Variants in TLCD4 observed in about 807,000 individuals in gnomAD.
TLCD4 encodes the protein TLC domain containing 4.
A neutral mutation model predicts 24.2 loss-of-function variants in TLCD4; 7 were observed. That is an observed-to-expected ratio of 0.29 (90% CI 0.16 to 0.54). The LOEUF is 0.54. TLCD4 is among the 20% of genes least tolerant of loss of function. The probability of loss-of-function intolerance (pLI) is 0.95; values close to 1 mark genes in which losing one functional copy is unlikely to be tolerated. For missense variants in TLCD4, 259 were observed against 313.9 expected, an observed-to-expected ratio of 0.82 and a Z score of 1.32; for synonymous variants, 103 against 106.4, an observed-to-expected ratio of 0.97 and a Z score of 0.20.
At chr1:95,097,368 C>A in the TLCD4 span, among the ~76,000 whole-genome samples, 3 of 152,200 alleles carry the variant, frequency 2.0e-5, no homozygotes, top group Admixed American at 6.5e-5. Context: ...TCTCTAGGCA[C>A]ACCATCTATA....
intron 5 of TLCD4, chr1:95,165,067 T>TGTGCTGCTGCCC (rs1677967118): frequency 1.3e-5 from 2 of 152,290 alleles, no homozygotes. Context: ...GATTGCTGTC[T>TGTGCTGCTGCCC]GTGCTGCTGC....
Position 95,150,279 on chromosome 1 carries a change from T to C in TLCD4, c.304+13T>C, listed in dbSNP as rs1315204389. On this transcript the variant is annotated intron_variant, in intron 4 of 6. Coordinates refer to ENST00000370203, the MANE Select transcript of TLCD4 (RefSeq NM_152487.3). Reference sequence around the variant, plus strand: ...TACCTCATTTCTGGTATGTGAGATGTTGTTTTATTGTCTAATTCCTTGTAA... The same window carrying C: ...TACCTCATTTCTGGTATGTGAGATGCTGTTTTATTGTCTAATTCCTTGTAA... 1.2e-6 allele frequency: 2 copies of C among 1,609,362 alleles called. No individual in the cohort carries two copies. The highest frequency in any genetic ancestry group is 1.1e-5 in the South Asian group (1 of 90,354).
chr1:95,128,098 A>T (rs1474740737), intron 1 of TLCD4, among the ~76,000 whole-genome samples: 1 of 152,188 alleles, frequency 6.6e-6, no homozygotes, highest in Non-Finnish European at 1.5e-5. Context: ...AACACCGAAA[A>T]AAGTTTTCGG....
intron 1 of TLCD4, among the ~76,000 whole-genome samples, chr1:95,137,097 G>A (rs910986307): frequency 5.9e-5 from 9 of 152,162 alleles, no homozygotes; most frequent in Non-Finnish European, 1.5e-5. Flanking sequence ...CAGAGAAGAG[G>A]TTCAGGTAGT....
intron 1 of TLCD4, among the ~76,000 whole-genome samples, chr1:95,129,853 A>G (rs1224049111): frequency 6.6e-6 from 1 of 152,212 alleles, no homozygotes; most frequent in Non-Finnish European, 1.5e-5. Flanking sequence ...CATGAATATT[A>G]GAGGATTTAT....
intron 1 of TLCD4, chr1:95,140,778 A>T (rs1289068440): frequency 6.6e-6 from 1 of 152,244 alleles, no homozygotes; most frequent in Non-Finnish European, 1.5e-5. Flanking sequence ...GTATATTCCT[A>T]TACTTAATAA....
intron 6 of TLCD4, among the ~76,000 whole-genome samples, chr1:95,178,582 T>C (rs2101002709): frequency 6.7e-6 from 1 of 148,662 alleles, no homozygotes; most frequent in Non-Finnish European, 1.5e-5. Context: ...TTTTTTTTTT[T>C]TTTTGAGACA....
At chr1:95,102,975 TAA>T in the TLCD4 span, among the ~76,000 whole-genome samples, 23 of 137,542 alleles carry the variant, frequency 1.7e-4, no homozygotes, top group South Asian at 5.6e-3. Flanking sequence ...AACTACTTTT[TAA>T]AAAAAAAATT....
At chr1:95,158,106 T>G (rs554022607) in intron 5 of TLCD4, among the ~76,000 whole-genome samples, 3 of 152,294 alleles carry the variant, frequency 2.0e-5, no homozygotes, top group Admixed American at 2.0e-4. Flanking sequence ...AGTTAGGGAA[T>G]GCTAGTTGTC....
chr1:95,185,021 TC>T (rs1269170613), intron 6 of TLCD4, among the ~76,000 whole-genome samples: 3 of 151,886 alleles, frequency 2.0e-5, no homozygotes, highest in Non-Finnish European at 4.4e-5. Flanking sequence ...GTGACCAATT[TC>T]TTTTTTTTTT....
chr1:95,183,715 G>A (rs1319608829), intron 6 of TLCD4, among the ~76,000 whole-genome samples: 6 of 152,008 alleles, frequency 3.9e-5, no homozygotes, highest in Non-Finnish European at 5.9e-5. Context: ...GTGGTGGCGC[G>A]TAGTCCCGGC....
intron 6 of TLCD4, among the ~76,000 whole-genome samples, chr1:95,181,579 A>ATTT (rs753738376): frequency 0.21 from 31,157 of 150,722 alleles, 3,324 homozygotes; most frequent in Admixed American, 0.25. Flanking sequence ...AAATTTGTTT[A>ATTT]ATTATTTATT....
chr1:95,169,465 A>T (rs760848664), intron 5 of TLCD4, among the ~76,000 whole-genome samples: 3 of 152,156 alleles, frequency 2.0e-5, no homozygotes, highest in Non-Finnish European at 4.4e-5. Context: ...CAAATTTACC[A>T]TTTTTACACT....
Position 95,197,603 on chromosome 1 carries a change from CAA to C in TLCD4, c.*5738_*5739del, listed in dbSNP as rs1223848291. On this transcript the variant is annotated 3_prime_UTR_variant, in exon 7 of 7. Coordinates refer to ENST00000370203, the MANE Select transcript of TLCD4 (RefSeq NM_152487.3). ...ACAATAAAATCACAATTATTTAGTG[CAA>C]AAGTTTGTCTGCAAGGTGTATACTT... The C allele has an allele frequency of 6.6e-6, 1 of 152,040 alleles. No homozygotes were observed. Among genetic ancestry groups the C allele is most frequent in the African/African-American group, 2.4e-5 (1 of 41,378 alleles). 9.4% of individuals were successfully genotyped at this position (152,040 alleles called of 1,614,324 possible).
intron 1 of TLCD4, among the ~76,000 whole-genome samples, chr1:95,130,245 C>G (rs952978687): frequency 1.3e-5 from 2 of 152,040 alleles, no homozygotes; most frequent in Non-Finnish European, 2.9e-5. Flanking sequence ...CTCCGCCTCC[C>G]AGGTTCAAGG....
At chr1:95,122,935 C>T (rs1676609157) in intron 1 of TLCD4, among the ~76,000 whole-genome samples, 1 of 151,746 alleles carries the variant, frequency 6.6e-6, no homozygotes, top group African/African-American at 2.4e-5. Context: ...GAAAAATTTA[C>T]AAGTTCTTTT....
the TLCD4 span, among the ~76,000 whole-genome samples, chr1:95,094,047 T>C: frequency 6.6e-6 from 1 of 152,142 alleles, no homozygotes; most frequent in Non-Finnish European, 1.5e-5. Context: ...AATAATGATA[T>C]GGGAATTTTG....
At chr1:95,129,342 T>C (rs12128873) in intron 1 of TLCD4, among the ~76,000 whole-genome samples, 1 of 152,294 alleles carries the variant, frequency 6.6e-6, no homozygotes, top group East Asian at 1.9e-4. Flanking sequence ...ATACCCTTTT[T>C]CAAAGTTCAG....
intron 1 of TLCD4, among the ~76,000 whole-genome samples, chr1:95,131,236 A>G (rs1007678588): frequency 1.3e-5 from 2 of 152,200 alleles, no homozygotes; most frequent in African/African-American, 4.8e-5. Context: ...GCATGAGGGC[A>G]GGTAATGGGG....
Sources: allele counts gnomAD v4.1 joint callset (sites outside exome capture counted in the v4.1 genomes callset), GRCh38; gene constraint gnomAD v4.1.1; transcripts MANE v1.5; gene names NCBI Gene and HGNC (gene_info 2026-07-23, HGNC 2026-07-21).